FBXO11: variants seen among roughly 807,000 people sequenced by gnomAD.
FBXO11 encodes the protein F-box protein 11, also known as F-box only protein 11.
FBXO11 carries 13 observed loss-of-function variants against 117.0 expected under a neutral mutation model. That is an observed-to-expected ratio of 0.11 (90% CI 0.07 to 0.18). The LOEUF is 0.18. FBXO11 is among the 10% of genes least tolerant of loss of function. The probability of loss-of-function intolerance (pLI) is 1.00; values close to 1 mark genes in which losing one functional copy is unlikely to be tolerated. For missense variants in FBXO11, 767 were observed against 1,164.4 expected, an observed-to-expected ratio of 0.66 and a Z score of 4.97; for synonymous variants, 490 against 380.5, an observed-to-expected ratio of 1.29 and a Z score of -3.35.
At chr2:47,893,455 T>C (rs559292774) in intron 1 of FBXO11, among the ~76,000 whole-genome samples, 2 of 152,216 alleles carry the variant, frequency 1.3e-5, no homozygotes, top group East Asian at 1.9e-4. Flanking sequence ...CAGAAAAACA[T>C]GGGGTGGCTC....
At chr2:47,902,396 G>T (rs928615427) in intron 1 of FBXO11, among the ~76,000 whole-genome samples, 8 of 152,138 alleles carry the variant, frequency 5.3e-5, no homozygotes, top group Non-Finnish European at 7.4e-5. Flanking sequence ...ATTTCCTTAC[G>T]TGGGGTGTAA....
chr2:47,829,256 T>A (rs1020205249), intron 11 of FBXO11, among the ~76,000 whole-genome samples: 19 of 151,756 alleles, frequency 1.3e-4, no homozygotes, highest in East Asian at 1.9e-4. Flanking sequence ...TTATTTATTT[T>A]TTGAGACAGA....
chr2:47,856,451 G>T (rs1248291961), intron 1 of FBXO11, among the ~76,000 whole-genome samples: 4 of 152,094 alleles, frequency 2.6e-5, no homozygotes, highest in African/African-American at 9.7e-5. Flanking sequence ...TAGGTCCAAA[G>T]AAACCAGTAT....
chr2:47,887,608 C>A (rs1209615860), intron 1 of FBXO11, among the ~76,000 whole-genome samples: 1 of 152,074 alleles, frequency 6.6e-6, no homozygotes, highest in Non-Finnish European at 1.5e-5. Context: ...TGCTTGTAAT[C>A]CCAGTACTTT....
rs777450801 is a variant in FBXO11, at chr2:47,813,220, A to G, written c.2227+14T>C. On this transcript the variant is annotated intron_variant, in intron 18 of 22. Coordinates refer to ENST00000403359, the MANE Select transcript of FBXO11 (RefSeq NM_001190274.2). The stretch of plus-strand genomic sequence containing the variant: ...AAACTGGATTTTTCACTAATGCAAA[A>G]TTAACAACAATACCTCGACCCCCAT... 2.5e-5 allele frequency: 41 copies of G among 1,612,794 alleles called. No homozygotes were observed. In the Admixed American group the frequency reaches 6.7e-4, roughly 26 times the overall value.
At chr2:47,861,079 A>AC (rs1437530810) in intron 1 of FBXO11, among the ~76,000 whole-genome samples, 4 of 151,494 alleles carry the variant, frequency 2.6e-5, no homozygotes, top group Non-Finnish European at 5.9e-5. Flanking sequence ...CGAACTCCCA[A>AC]CCTCAGGTGA....
At chr2:47,840,464 T>C (rs1672932376) in intron 1 of FBXO11, among the ~76,000 whole-genome samples, 2 of 150,208 alleles carry the variant, frequency 1.3e-5, no homozygotes, top group African/African-American at 4.9e-5. Context: ...TTTTTTTTTT[T>C]TTTGGAGATA....
At chr2:47,860,358 A>G (rs1355596992) in intron 1 of FBXO11, among the ~76,000 whole-genome samples, 2 of 152,080 alleles carry the variant, frequency 1.3e-5, no homozygotes, top group Non-Finnish European at 2.9e-5. Flanking sequence ...TTTAAACAAC[A>G]ATTATGAATG....
At chr2:47,893,906 G>A (rs914975643) in intron 1 of FBXO11, among the ~76,000 whole-genome samples, 9 of 152,144 alleles carry the variant, frequency 5.9e-5, no homozygotes, top group Non-Finnish European at 1.0e-4. Flanking sequence ...AAAAGAAAAT[G>A]GAAAGCAAGG....
In FBXO11 at chr2:47,807,155, A is replaced by ATACTTGTCTCAGCT. The variant is rs1260404651; in HGVS notation, c.*949_*962dup. On this transcript the variant is annotated 3_prime_UTR_variant, in exon 23 of 23. Coordinates refer to ENST00000403359, the MANE Select transcript of FBXO11 (RefSeq NM_001190274.2). The stretch of plus-strand genomic sequence containing the variant: ...TATGAAACTGTATAGGGCTGTATAT[A>ATACTTGTCTCAGCT]TACTTGTCTCAGCTTAATGCAGGAA... 1.8e-5 allele frequency: 6 copies of ATACTTGTCTCAGCT among 326,394 alleles called. No homozygotes were observed. The Admixed American group carries it at 2.7e-4, about 15-fold the overall frequency. The allele number at this position is 326,394 out of a possible 1,614,324, so 20.2% of individuals were successfully genotyped here.
intron 1 of FBXO11, among the ~76,000 whole-genome samples, chr2:47,877,832 G>A (rs1268479946): frequency 1.3e-5 from 2 of 152,134 alleles, no homozygotes; most frequent in African/African-American, 4.8e-5. Flanking sequence ...TTACAGGCGC[G>A]TGCCAACACG....
rs749869368 is a variant in FBXO11, at chr2:47,839,748, A to C, written c.254T>G (p.Met85Arg). 1 of 1,613,536 alleles carries C rather than the reference A, an allele frequency of 6.2e-7. No individual in the cohort carries two copies. Among genetic ancestry groups the C allele is most frequent in the East Asian group, 2.2e-5 (1 of 44,866 alleles). ...GERDDDVPAD[M>R]VAEESGPGAQ... ...ACCAGGACCTGATTCTTCTGCAACC[A>C]TATCTGCAGGCACATCATCATCTGT... is the stretch of plus-strand genomic sequence containing the variant. Residue 85 changes from methionine (M) to arginine (R), a missense_variant, in exon 2 of 23, where the codon ATG becomes AGG. Physicochemically the swap from Met to Arg is moderately conservative, Grantham distance 91. This residue lies in a region of FBXO11 where 355 missense variants were observed against 299.8 expected (regional missense o/e 1.18). Transcript: ENST00000403359.
chr2:47,898,222 CAT>C (rs1677823880), intron 1 of FBXO11, among the ~76,000 whole-genome samples: 1 of 152,144 alleles, frequency 6.6e-6, no homozygotes, highest in African/African-American at 2.4e-5. Context: ...GGAAAATAAA[CAT>C]TTTTGATATT....
At chr2:47,843,228 C>T (rs973242885) in intron 1 of FBXO11, among the ~76,000 whole-genome samples, 1 of 152,134 alleles carries the variant, frequency 6.6e-6, no homozygotes, top group Non-Finnish European at 1.5e-5. Context: ...GACCAGTAAA[C>T]GTCCTATGTG....
At chr2:47,829,806 A>C (rs187127154) in intron 11 of FBXO11, among the ~76,000 whole-genome samples, 2 of 152,348 alleles carry the variant, frequency 1.3e-5, no homozygotes, top group East Asian at 3.9e-4. Context: ...GAGTGTAAAA[A>C]AGGTAGTAAA....
At chr2:47,842,556 G>T (rs564557024) in intron 1 of FBXO11, among the ~76,000 whole-genome samples, 2 of 152,092 alleles carry the variant, frequency 1.3e-5, no homozygotes, top group South Asian at 4.1e-4. Context: ...AGCTAACCTT[G>T]GGTGTAAATT....
chr2:47,826,105 C>A (rs1671736599), intron 11 of FBXO11, among the ~76,000 whole-genome samples: 1 of 152,120 alleles, frequency 6.6e-6, no homozygotes, highest in Non-Finnish European at 1.5e-5. Context: ...GTCACCCAGG[C>A]TTGAGTGCAG....
chr2:47,808,981 G>A (rs1428650177), intron 21 of FBXO11, 177 bp downstream of exon 21: 9 of 491,566 alleles, frequency 1.8e-5, no homozygotes, highest in Non-Finnish European at 3.2e-5. Context: ...ACAGGCATAA[G>A]CCACCACGCC....
chr2:47,887,305 G>C (rs1436166562), intron 1 of FBXO11, among the ~76,000 whole-genome samples: 1 of 150,694 alleles, frequency 6.6e-6, no homozygotes, highest in Non-Finnish European at 1.5e-5. Flanking sequence ...AGGTGGGGGG[G>C]AGGGGGGAGA....
Sources: allele counts gnomAD v4.1 joint callset (sites outside exome capture counted in the v4.1 genomes callset), GRCh38; gene constraint gnomAD v4.1.1; regional missense constraint gnomAD v4.1.1; transcripts MANE v1.5; gene names NCBI Gene and HGNC (gene_info 2026-07-23, HGNC 2026-07-21).